Variants in IL20RA observed in about 807,000 individuals in gnomAD.
IL20RA encodes interleukin-20 receptor subunit alpha.
IL20RA carries 29 observed loss-of-function variants against 36.5 expected under a neutral mutation model. The ratio of observed to expected loss-of-function variants is 0.79; its 90% CI spans 0.59 to 1.08. IL20RA has a LOEUF of 1.08. Among genes scored for constraint, IL20RA ranks in the 50% least tolerant of loss-of-function variants. The pLI, the probability that IL20RA is intolerant of heterozygous loss-of-function variation, is 0.00. For missense variants in IL20RA, 652 were observed against 668.4 expected (o/e 0.98, Z 0.27); for synonymous variants, 279 against 267.1 (o/e 1.04, Z -0.43).
At chr6:137,034,472 C>T (rs1000723026) in intron 1 of IL20RA, among the ~76,000 whole-genome samples, 3 of 151,866 alleles carry the variant, frequency 2.0e-5, no homozygotes, top group Admixed American at 6.6e-5. Context: ...ATAGGTAAAC[C>T]GTATGCCACG....
In IL20RA at chr6:137,002,206, G is replaced by T. The variant is rs756240488; in HGVS notation, c.1014C>A (p.Ser338Arg). The T allele has an allele frequency of 3.7e-6, 6 of 1,614,014 alleles. No individual in the cohort carries two copies. Among genetic ancestry groups the T allele is most frequent in the Non-Finnish European group, 5.1e-6 (6 of 1,179,980 alleles). Reference sequence around the variant, plus strand: ...TCCCGCTGGGCTGAGGATCATTAAGGCTGGATACATCACTGCTTTTTCCCA... The same window carrying T: ...TCCCGCTGGGCTGAGGATCATTAAGTCTGGATACATCACTGCTTTTTCCCA... Reference protein sequence around the residue: ...SLLGKSSDVSSLNDPQPSGNL... With the variant: ...SLLGKSSDVSRLNDPQPSGNL... Residue 338 changes from serine (S) to arginine (R), a missense_variant, in exon 7 of 7, where the codon AGC (serine) becomes AGA (arginine). Coordinates refer to ENST00000316649, the MANE Select transcript of IL20RA (RefSeq NM_014432.4).
intron 3 of IL20RA, 22 bp from the exon 4 acceptor site, chr6:137,009,514 T>C (rs1582820344): frequency 6.6e-7 from 1 of 1,512,874 alleles, no homozygotes. Context: ...AGAAAGAGGG[T>C]ATTATCATGT....
rs1440325290 is a variant in IL20RA at position 137,001,039 on chromosome 6, T to C, written c.*519A>G. The C allele has an allele frequency of 6.6e-6, 1 of 152,590 alleles. No homozygotes were observed. Among genetic ancestry groups the C allele is most frequent in the African/African-American group, 2.4e-5 (1 of 41,472 alleles). 9.5% of individuals were successfully genotyped at this position (152,590 alleles called of 1,614,324 possible). A position where few individuals can be genotyped will look rare whatever the true frequency, so the allele number is the denominator to read the frequency against. Reference sequence around the variant, plus strand: ...CAAAATATGAATCATGATGATTAAATAGTTGAGGTTTTCACATGCGACCAA... The same window carrying C: ...CAAAATATGAATCATGATGATTAAACAGTTGAGGTTTTCACATGCGACCAA... On this transcript the variant is annotated 3_prime_UTR_variant, in exon 7 of 7. Coordinates refer to ENST00000316649, the MANE Select transcript of IL20RA (RefSeq NM_014432.4).
chr6:137,032,648 T>C (rs1407840454), intron 1 of IL20RA, among the ~76,000 whole-genome samples: 1 of 152,232 alleles, frequency 6.6e-6, no homozygotes, highest in African/African-American at 2.4e-5. Context: ...TTACTTCTGC[T>C]GATTGTTGCT....
intron 1 of IL20RA, among the ~76,000 whole-genome samples, chr6:137,031,214 T>C (rs1444586805): frequency 2.0e-5 from 3 of 152,190 alleles, no homozygotes; most frequent in African/African-American, 7.2e-5. Flanking sequence ...CTATGCTGGA[T>C]ACCCTTCCTG....
At chr6:137,037,765 C>A (rs1776539512) in intron 1 of IL20RA, among the ~76,000 whole-genome samples, 1 of 152,066 alleles carries the variant, frequency 6.6e-6, no homozygotes, top group Non-Finnish European at 1.5e-5. Flanking sequence ...TAGCAGTTTT[C>A]TGGGGAGGTG....
intron 1 of IL20RA, among the ~76,000 whole-genome samples, chr6:137,037,258 AT>A (rs2115424909): frequency 6.6e-6 from 1 of 152,326 alleles, no homozygotes; most frequent in East Asian, 1.9e-4. Flanking sequence ...TGAAGTATCC[AT>A]TTTGGTGGTG....
chr6:137,013,987 A>G (rs928811063), intron 2 of IL20RA, among the ~76,000 whole-genome samples: 1 of 152,180 alleles, frequency 6.6e-6, no homozygotes, highest in African/African-American at 2.4e-5. Context: ...TTTTTTAAAA[A>G]TCCCTTTCTG....
At chr6:137,035,214 G>T (rs575557904) in intron 1 of IL20RA, among the ~76,000 whole-genome samples, 1 of 152,236 alleles carries the variant, frequency 6.6e-6, no homozygotes, top group African/African-American at 2.4e-5. Context: ...TTTACTAAAA[G>T]TATTTAAGGT....
chr6:137,032,565 C>T (rs921026363), intron 1 of IL20RA, among the ~76,000 whole-genome samples: 7 of 152,158 alleles, frequency 4.6e-5, no homozygotes, highest in Non-Finnish European at 8.8e-5. Flanking sequence ...CTTTCTGTTT[C>T]GGTGGAAGCA....
At position 137,009,133 on chromosome 6, in the gene IL20RA, AAAG is replaced by A. The variant is rs372280405; in HGVS notation, c.579+181_579+183del. 4.4e-4 allele frequency: 278 copies of A among 635,538 alleles called. 3 individuals are homozygous for A. In the East Asian group the frequency reaches 7.2e-3, roughly 17 times the overall value. The allele number at this position is 635,538 out of a possible 1,614,324, so 39.4% of individuals were successfully genotyped here. ...CATATCCTGTCAACAGAGTTTCTGT[AAAG>A]AAGATCTGAAGTTAGTTCTGTAAAA... On this transcript the variant is annotated intron_variant, in intron 4 of 6. Coordinates refer to ENST00000316649, the MANE Select transcript of IL20RA (RefSeq NM_014432.4).
chr6:137,022,483 TC>T (rs1650102147), intron 1 of IL20RA, among the ~76,000 whole-genome samples: 1 of 152,188 alleles, frequency 6.6e-6, no homozygotes, highest in Non-Finnish European at 1.5e-5. Flanking sequence ...GCTCTTTGTC[TC>T]CCATATAAAT....
chr6:137,011,812 G>A (rs928833216), intron 2 of IL20RA, among the ~76,000 whole-genome samples: 1 of 152,112 alleles, frequency 6.6e-6, no homozygotes, highest in Non-Finnish European at 1.5e-5. Flanking sequence ...ATGTACACGA[G>A]GTCAGTTTGA....
At chr6:137,017,820 GAGGA>G (rs1775758328) in intron 1 of IL20RA, among the ~76,000 whole-genome samples, 1 of 152,098 alleles carries the variant, frequency 6.6e-6, no homozygotes, top group Non-Finnish European at 1.5e-5. Flanking sequence ...CTGTATCCTA[GAGGA>G]TTAATTTACA....
At position 137,044,696 on chromosome 6, in the gene IL20RA, C is replaced by A; in HGVS notation, c.33G>T (p.Pro11=). ...ACAGCAGCAGCGGCGGCAGCGGCAG[C>A]GGCCGCAGGGCCGGGCGGCCGGGAG... MRAPGRPALR[P]LPLPPLLLLL... Residue 11 remains proline, a synonymous_variant, in exon 1 of 7, where the codon CCG becomes CCT. Transcript: ENST00000316649. The A allele has an allele frequency of 8.2e-7, 1 of 1,223,460 alleles. No homozygotes were observed. The highest frequency in any genetic ancestry group is 1.0e-6 in the Non-Finnish European group (1 of 983,082). The allele number at this position is 1,223,460 out of a possible 1,614,324, so 75.8% of individuals were successfully genotyped here.
chr6:137,008,571 A>C (rs572182585), intron 5 of IL20RA, 28 bp downstream of exon 5: 1 of 1,569,838 alleles, frequency 6.4e-7, no homozygotes, highest in African/African-American at 1.4e-5. Context: ...TCTCCTTCCT[A>C]GACCAGCAAA....
intron 1 of IL20RA, among the ~76,000 whole-genome samples, chr6:137,043,450 T>C (rs1361968238): frequency 6.6e-6 from 1 of 152,182 alleles, no homozygotes; most frequent in Non-Finnish European, 1.5e-5. Context: ...GTCTGTTAGT[T>C]GAAGGCTCAA....
chr6:137,044,872 T>A lies in IL20RA; in HGVS notation c.-144A>T. On this transcript the variant is annotated 5_prime_UTR_variant, in exon 1 of 7. Coordinates refer to ENST00000316649, the MANE Select transcript of IL20RA (RefSeq NM_014432.4). ...CAGGCGACCTGAGTCCCAGGGCGCC[T>A]CCGCCACAGCCGCGTCCCCCAGGCT... The A allele has an allele frequency of 1.4e-6, 1 of 724,914 alleles. No homozygotes were observed. Among genetic ancestry groups the A allele is most frequent in the Non-Finnish European group, 1.9e-6 (1 of 538,988 alleles). The allele number at this position is 724,914 out of a possible 1,614,324, so 44.9% of individuals were successfully genotyped here. A position where few individuals can be genotyped will look rare whatever the true frequency, so the allele number is the denominator to read the frequency against.
At chr6:137,044,522 C>T (rs1438739107) in intron 1 of IL20RA, 119 bp downstream of exon 1, 13 of 1,070,942 alleles carry the variant, frequency 1.2e-5, no homozygotes, top group Non-Finnish European at 1.4e-5. Context: ...GTCCTCTGCC[C>T]GCCCGAAAGC....
Sources: allele counts gnomAD v4.1 joint callset (sites outside exome capture counted in the v4.1 genomes callset), GRCh38; gene constraint gnomAD v4.1.1; transcripts MANE v1.5; gene names NCBI Gene and HGNC (gene_info 2026-07-23, HGNC 2026-07-21).